The following RBBP8 variants were observed in gnomAD, a reference collection of about 807,000 sequenced individuals.
RBBP8 encodes the protein DNA endonuclease RBBP8.
Under a neutral mutation model 108.3 loss-of-function variants are expected in RBBP8, and 88 were observed. The ratio of observed to expected loss-of-function variants is 0.81; its 90% CI spans 0.68 to 0.97. The LOEUF (loss-of-function observed/expected upper bound fraction) is 0.97. RBBP8 is among the 50% of genes least tolerant of loss of function. RBBP8 has a pLI of 0.00. For missense variants in RBBP8, 1,023 were observed against 1,049.0 expected (o/e 0.98, Z 0.34); for synonymous variants, 332 against 348.2 (o/e 0.95, Z 0.52).
chr18:22,927,156 T>C (rs1259286757), intron 3 of RBBP8, among the ~76,000 whole-genome samples: 4 of 152,268 alleles, frequency 2.6e-5, no homozygotes, highest in Non-Finnish European at 5.9e-5. Flanking sequence ...ACAGCCTTTG[T>C]TGTGTTCTTA....
At position 23,020,959 on chromosome 18, in the gene RBBP8, T is replaced by G. The variant is rs186759304; in HGVS notation, c.2455-1170T>G. The stretch of plus-strand genomic sequence containing the variant: ...ACCTGAATGAAGTTGTTTCACAGCT[T>G]CTTTAAAGCCTTTAATCTGTGTAAA... On this transcript the variant is annotated intron_variant, in intron 17 of 18. Transcript: ENST00000327155. 7.2e-5 allele frequency among the ~76,000 whole-genome samples: 11 copies of G among 152,378 alleles called. No individual in the cohort carries two copies. The East Asian group carries it at 1.9e-3, about 27-fold the overall frequency.
At chr18:22,945,315 T>A (rs990154605) in intron 2 of RBBP8, among the ~76,000 whole-genome samples, 17 of 151,990 alleles carry the variant, frequency 1.1e-4, no homozygotes, top group South Asian at 1.0e-3. Flanking sequence ...ACAGAAAAAA[T>A]TTTCTAGTTT....
chr18:22,993,198 A>G lies in RBBP8; in HGVS notation c.1371A>G (p.Glu457=). 3.1e-6 allele frequency: 5 copies of G among 1,614,212 alleles called. No homozygotes were observed. The highest frequency in any genetic ancestry group is 4.2e-6 in the Non-Finnish European group (5 of 1,180,038). ...RKKTEEESEH[E]VSCPQASFDK... The stretch of plus-strand genomic sequence containing the variant: ...AAACTGAGGAAGAAAGTGAACATGA[A>G]GTAAGCTGCCCCCAAGCTTCTTTTG... Residue 457 remains glutamate, a synonymous_variant, in exon 11 of 19, where the codon GAA becomes GAG. Coordinates refer to ENST00000327155, the MANE Select transcript of RBBP8 (RefSeq NM_002894.3).
chr18:22,963,841 C>T (rs1913329806), intron 4 of RBBP8, among the ~76,000 whole-genome samples: 1 of 152,068 alleles, frequency 6.6e-6, no homozygotes. Flanking sequence ...TGTGGCCATT[C>T]TTGTTTCACT....
In RBBP8 at chr18:22,936,898, C is replaced by T. The variant is rs1317261571; in HGVS notation, c.47C>T (p.Thr16Ile). ...SSCGSPNSAD[T>I]SSDFKDLWTK... is the part of the protein sequence containing the mutation. ...TGTGGAAGCCCTAACTCTGCAGATA[C>T]ATCTAGTGACTTTAAGGACCTTTGG... The change falls in exon 2 of 19, where the codon ACA (threonine) becomes ATA (isoleucine). Residue 16 changes from threonine to isoleucine, a missense_variant. Physicochemically the swap from Thr to Ile is moderately conservative, Grantham distance 89 (BLOSUM62 -1). Coordinates refer to ENST00000327155, the MANE Select transcript of RBBP8 (RefSeq NM_002894.3). The T allele has an allele frequency of 6.2e-7, 1 of 1,614,002 alleles. No homozygotes were observed. The highest frequency in any genetic ancestry group is 8.5e-7 in the Non-Finnish European group (1 of 1,180,016).
At chr18:22,950,760 A>G (rs950231192) in intron 4 of RBBP8, among the ~76,000 whole-genome samples, 11 of 152,168 alleles carry the variant, frequency 7.2e-5, no homozygotes, top group Admixed American at 5.2e-4. Flanking sequence ...TCTCTACAAA[A>G]AATTAAAAAT....
chr18:22,990,894 C>T, intron 9 of RBBP8, 43 bp from the exon 10 acceptor site: 1 of 1,440,882 alleles, frequency 6.9e-7, no homozygotes, highest in Non-Finnish European at 9.7e-7. Context: ...TAAGAATGAA[C>T]AAATCCCATT....
At chr18:22,944,430 A>G (rs1376548493) in intron 2 of RBBP8, among the ~76,000 whole-genome samples, 1 of 152,216 alleles carries the variant, frequency 6.6e-6, no homozygotes, top group African/African-American at 2.4e-5. Context: ...ACTGATTGTT[A>G]GAAGTCAGCC....
chr18:23,004,011 C>T (rs1179457311), intron 15 of RBBP8, among the ~76,000 whole-genome samples: 1 of 127,884 alleles, frequency 7.8e-6, no homozygotes, highest in Non-Finnish European at 1.6e-5. Context: ...GAGCCAAGAT[C>T]ACGCCACTGT....
intron 1 of RBBP8, 144 bp from the exon 2 acceptor site, chr18:22,936,610 T>A: frequency 2.0e-6 from 1 of 491,124 alleles, no homozygotes; most frequent in South Asian, 2.3e-5. Context: ...TATTCTTTCC[T>A]TCCCCTCCCA....
At chr18:22,935,764 CCATT>C (rs767969526) in intron 1 of RBBP8, among the ~76,000 whole-genome samples, 87 of 152,298 alleles carry the variant, frequency 5.7e-4, no homozygotes, top group Non-Finnish European at 9.9e-4. Flanking sequence ...ATTTACTAAT[CCATT>C]CAAACTTCTT....
chr18:22,932,766 T>A (rs977980238), upstream of RBBP8, among the ~76,000 whole-genome samples: 10 of 152,110 alleles, frequency 6.6e-5, no homozygotes, highest in Admixed American at 1.3e-4. Flanking sequence ...ATGGACTTTT[T>A]AAAAAAAATT....
At chr18:22,967,898 C>T (rs1451445955) in intron 4 of RBBP8, among the ~76,000 whole-genome samples, 4 of 152,198 alleles carry the variant, frequency 2.6e-5, no homozygotes, top group South Asian at 2.1e-4. Context: ...CCGCCCGCCT[C>T]GGCCTCCCAA....
intron 4 of RBBP8, among the ~76,000 whole-genome samples, chr18:22,966,144 GTATCTTTAAAATATAGATA>G (rs1913566413): frequency 6.6e-6 from 1 of 151,908 alleles, no homozygotes; most frequent in Non-Finnish European, 1.5e-5. Flanking sequence ...TCATGTGTTT[GTATCTTTAAAATATAGATA>G]TATCTTTACT....
At chr18:22,919,546 A>T (rs1909499922) in intron 3 of RBBP8, among the ~76,000 whole-genome samples, 1 of 152,288 alleles carries the variant, frequency 6.6e-6, no homozygotes, top group Non-Finnish European at 1.5e-5. Context: ...CCCACTAATT[A>T]ATCACATATT....
At chr18:22,962,374 C>G (rs550863075) in intron 4 of RBBP8, among the ~76,000 whole-genome samples, 2 of 152,222 alleles carry the variant, frequency 1.3e-5, no homozygotes, top group African/African-American at 4.8e-5. Context: ...CAGTCTCTTG[C>G]AGGTATTCTT....
chr18:23,007,697 C>CAA (rs1265350364), intron 16 of RBBP8, among the ~76,000 whole-genome samples: 2 of 55,322 alleles, frequency 3.6e-5, no homozygotes, highest in Admixed American at 2.2e-4. Flanking sequence ...GACTCCGTCT[C>CAA]AGAAAAAAAA....
chr18:22,992,473 G>A (rs1915765264), intron 10 of RBBP8, among the ~76,000 whole-genome samples: 1 of 152,212 alleles, frequency 6.6e-6, no homozygotes. Context: ...TGGGATTACA[G>A]GCATGAGCCA....
At chr18:22,957,295 T>C (rs1009021986) in intron 4 of RBBP8, among the ~76,000 whole-genome samples, 5 of 146,182 alleles carry the variant, frequency 3.4e-5, no homozygotes, top group African/African-American at 1.3e-4. Context: ...CTTTTTCTTT[T>C]TTTTTTTTTT....
Sources: gnomAD v4.1 joint callset for allele counts (sites outside exome capture counted in the v4.1 genomes callset) on GRCh38, gnomAD v4.1.1 for gene constraint, MANE v1.5 for transcripts, NCBI Gene and HGNC (gene_info 2026-07-23, HGNC 2026-07-21) for gene names.